Variants in ROBO2 observed in about 807,000 individuals in gnomAD.
The protein encoded by ROBO2 is roundabout guidance receptor 2.
In ROBO2, 53 loss-of-function variants were observed where a neutral mutation model predicts 160.8. That is an observed-to-expected ratio of 0.33 (90% CI 0.26 to 0.41). The LOEUF (loss-of-function observed/expected upper bound fraction) is 0.41, where lower values mean the gene tolerates loss of function less well. Among genes scored for constraint, ROBO2 ranks in the 10% least tolerant of loss-of-function variants. The pLI is 1.00. For missense variants in ROBO2, 1,577 were observed against 1,722.4 expected, an observed-to-expected ratio of 0.92 and a Z score of 1.49; for synonymous variants, 664 against 611.7, an observed-to-expected ratio of 1.09 and a Z score of -1.26.
At chr3:76,491,334 A>C (rs1469178906) in intron 2 of ROBO2, among the ~76,000 whole-genome samples, 1 of 152,168 alleles carries the variant, frequency 6.6e-6, no homozygotes, top group African/African-American at 2.4e-5. Context: ...TTCCATGCTC[A>C]GTCTTCCTCT....
intron 2 of ROBO2, among the ~76,000 whole-genome samples, chr3:77,366,278 A>C (rs1199624033): frequency 2.0e-5 from 3 of 152,126 alleles, no homozygotes; most frequent in African/African-American, 7.2e-5. Flanking sequence ...TGTCTACTCA[A>C]AATCCATGTG....
chr3:76,158,397 A>G (rs1447967128), intron 2 of ROBO2, among the ~76,000 whole-genome samples: 1 of 152,050 alleles, frequency 6.6e-6, no homozygotes, highest in African/African-American at 2.4e-5. Context: ...TCTCCAAATT[A>G]AAGAATATTT....
At chr3:76,959,784 T>TTTG (rs1467967210) in intron 2 of ROBO2, among the ~76,000 whole-genome samples, 1 of 152,140 alleles carries the variant, frequency 6.6e-6, no homozygotes, top group Non-Finnish European at 1.5e-5. Flanking sequence ...CAATTCTTTA[T>TTTG]TTGAATTATT....
At chr3:76,265,587 G>A (rs1576169180) in intron 2 of ROBO2, among the ~76,000 whole-genome samples, 1 of 152,040 alleles carries the variant, frequency 6.6e-6, no homozygotes, top group South Asian at 2.1e-4. Context: ...TTTTTGTATT[G>A]TAAACCTTTC....
intron 2 of ROBO2, among the ~76,000 whole-genome samples, chr3:76,151,420 C>G (rs935494695): frequency 2.6e-5 from 4 of 152,162 alleles, no homozygotes; most frequent in Admixed American, 2.6e-4. Flanking sequence ...CTTGGGCGGT[C>G]TATTTCAATT....
chr3:76,468,776 T>C (rs960596393), intron 2 of ROBO2, among the ~76,000 whole-genome samples: 2 of 152,084 alleles, frequency 1.3e-5, no homozygotes. Flanking sequence ...ACCTGTTCTA[T>C]TTGTCATTCC....
chr3:76,790,248 A>G (rs1051503035), intron 2 of ROBO2, among the ~76,000 whole-genome samples: 1 of 151,666 alleles, frequency 6.6e-6, no homozygotes, highest in Non-Finnish European at 1.5e-5. Context: ...ATTCTTGGTA[A>G]CTTGGATTTC....
intron 2 of ROBO2, among the ~76,000 whole-genome samples, chr3:76,574,497 T>G (rs17014386): frequency 0.045 from 6,908 of 152,190 alleles, 582 homozygotes; most frequent in African/African-American, 0.16. Flanking sequence ...CTTTAAGTTT[T>G]AGAACAATAT....
chr3:77,579,404 A>T (rs180854538), intron 15 of ROBO2, among the ~76,000 whole-genome samples: 99 of 152,274 alleles, frequency 6.5e-4, no homozygotes, highest in African/African-American at 2.1e-3. Flanking sequence ...CAATACCTAT[A>T]ACTTAGGTCA....
chr3:76,533,070 T>G (rs1472453019), intron 2 of ROBO2, among the ~76,000 whole-genome samples: 1 of 152,218 alleles, frequency 6.6e-6, no homozygotes, highest in Non-Finnish European at 1.5e-5. Flanking sequence ...AAAAGAGGAT[T>G]TCATCAGAGG....
At position 76,069,098 on chromosome 3, in the gene ROBO2, A is replaced by G. The variant is rs140337932; in HGVS notation, c.109+131496A>G. 2.5e-4 allele frequency among the ~76,000 whole-genome samples: 38 copies of G among 152,090 alleles called. No homozygotes were observed. In the East Asian group the frequency reaches 6.6e-3, roughly 26 times the overall value. On this transcript the variant is annotated intron_variant, in intron 2 of 26. Transcript: ENST00000487694. ...TTTAACTCCTATGCCTATACTGCCA[A>G]TTTTCAAGTTTTTAATCCCCAGCCT...
At chr3:76,185,215 T>TATATATATATACACAC in intron 2 of ROBO2, among the ~76,000 whole-genome samples, 1 of 90,312 alleles carries the variant, frequency 1.1e-5, no homozygotes, top group African/African-American at 3.8e-5. Context: ...TATATATATA[T>TATATATATATACACAC]ACACACACAA....
chr3:77,036,979 T>C (rs2063673754), upstream of ROBO2, among the ~76,000 whole-genome samples: 1 of 151,892 alleles, frequency 6.6e-6, no homozygotes, highest in Admixed American at 6.5e-5. Flanking sequence ...ATCCATTTTT[T>C]ATATAGGCAG....
chr3:77,295,959 G>A (rs1299796324), intron 2 of ROBO2, among the ~76,000 whole-genome samples: 4 of 114,954 alleles, frequency 3.5e-5, no homozygotes, highest in African/African-American at 9.0e-5. Flanking sequence ...CGGGTAAGCT[G>A]AGGCTAGATC....
intron 2 of ROBO2, among the ~76,000 whole-genome samples, chr3:76,008,044 G>A (rs1205170486): frequency 1.3e-5 from 2 of 151,778 alleles, no homozygotes; most frequent in African/African-American, 2.4e-5. Flanking sequence ...GACCAGCCTG[G>A]CCAACATGGT....
intron 2 of ROBO2, among the ~76,000 whole-genome samples, chr3:76,240,294 C>T (rs533839420): frequency 2.9e-4 from 44 of 152,052 alleles, no homozygotes; most frequent in South Asian, 1.9e-3. Context: ...CCCCACCCCC[C>T]GACAGGCCCC....
intron 2 of ROBO2, among the ~76,000 whole-genome samples, chr3:76,661,127 T>C (rs2091799416): frequency 6.6e-6 from 1 of 152,174 alleles, no homozygotes; most frequent in African/African-American, 2.4e-5. Context: ...ATCAATTTTA[T>C]TTACATGTTA....
At chr3:77,281,909 GAGGCGGAGCTC>G (rs2153372207) in intron 2 of ROBO2, among the ~76,000 whole-genome samples, 1 of 152,284 alleles carries the variant, frequency 6.6e-6, no homozygotes, top group Admixed American at 6.5e-5. Flanking sequence ...GATCTGACAG[GAGGCGGAGCTC>G]AGGCGGTAAT....
At chr3:77,626,388 A>G (rs1381152434) in intron 23 of ROBO2, among the ~76,000 whole-genome samples, 2 of 151,698 alleles carry the variant, frequency 1.3e-5, no homozygotes, top group African/African-American at 4.9e-5. Context: ...ACCTCATTTT[A>G]ATAATTTTCA....
Sources: allele counts gnomAD v4.1 joint callset (sites outside exome capture counted in the v4.1 genomes callset), GRCh38; gene constraint gnomAD v4.1.1; transcripts MANE v1.5; gene names NCBI Gene and HGNC (gene_info 2026-07-23, HGNC 2026-07-21).